DENND6B: variants seen among roughly 807,000 people sequenced by gnomAD.
DENND6B encodes DENN domain containing 6B, also known as protein DENND6B.
DENND6B carries 73 observed loss-of-function variants against 85.1 expected under a neutral mutation model. The ratio of observed to expected loss-of-function variants is 0.86; its 90% CI spans 0.71 to 1.04. DENND6B has a LOEUF of 1.04. Ranked by LOEUF, DENND6B falls within the 50% of genes least tolerant of loss-of-function variation. The pLI is 0.00. For synonymous variants in DENND6B, 357 were observed against 329.3 expected, an observed-to-expected ratio of 1.08 and a Z score of -0.91; for missense variants, 715 against 785.8, an observed-to-expected ratio of 0.91 and a Z score of 1.08.
Position 50,314,437 on chromosome 22 carries a change from C to T in DENND6B, c.1035G>A (p.Trp345Ter), listed in dbSNP as rs983924692. 6.4e-7 allele frequency: 1 copy of T among 1,565,712 alleles called. No homozygotes were observed. Among genetic ancestry groups the T allele is most frequent in the African/African-American group, 1.4e-5 (1 of 73,952 alleles). Residue 345 changes from tryptophan (W) to a stop codon, truncating the protein, a stop_gained, in exon 12 of 20, where the codon TGG (tryptophan) becomes TGA (stop). Coordinates refer to ENST00000413817, the MANE Select transcript of DENND6B (RefSeq NM_001001794.4). LOFTEE classifies it high-confidence loss of function. ...GCTCCCCGACTCGGAGGATGTGGGG[C>T]CAGTGCTGGAGTGTTTTGATAAAGA... Reference protein sequence around the residue: ...NPFFIKTLQHWPHILRVGEPK... With the variant: ...NPFFIKTLQH
chr22:50,322,018 G>C (rs2042059945), intron 1 of DENND6B, among the ~76,000 whole-genome samples: 1 of 150,960 alleles, frequency 6.6e-6, no homozygotes, highest in Non-Finnish European at 1.5e-5. Context: ...TTTAACTCCT[G>C]GTAAACATTG....
chr22:50,319,294 C>A, intron 1 of DENND6B: 1 of 985,388 alleles, frequency 1.0e-6, no homozygotes, highest in Non-Finnish European at 1.2e-6. Flanking sequence ...GACCTCCAGG[C>A]ACCAGGCCCC....
At chr22:50,314,034 G>A (rs746372899) in intron 13 of DENND6B, 156 bp from the exon 14 acceptor site, 225 of 1,251,300 alleles carry the variant, frequency 1.8e-4, no homozygotes, top group Admixed American at 8.7e-4. Flanking sequence ...CCCAGACACC[G>A]AGACCCACTG....
rs774569952 is a variant in DENND6B at position 50,316,229 on chromosome 22, G to A, written c.584C>T (p.Pro195Leu). 20 of 1,608,972 alleles carry A rather than the reference G, an allele frequency of 1.2e-5. No homozygotes were observed. The highest frequency in any genetic ancestry group is 1.6e-4 in the Middle Eastern group (1 of 6,082). Residue 195 changes from proline (P) to leucine (L), a missense_variant, in exon 7 of 20, where the codon CCG becomes CTG. Coordinates refer to ENST00000413817, the MANE Select transcript of DENND6B (RefSeq NM_001001794.4). Reference sequence around the variant, plus strand: ...CAGGGTCTGCCCAGGTGCAGGCGCCGGCCACTGGTCGATCTCACTGCACAC... The same window carrying A: ...CAGGGTCTGCCCAGGTGCAGGCGCCAGCCACTGGTCGATCTCACTGCACAC... ...EAVCSEIDQW[P>L]APAPGQTLNL...
chr22:50,315,700 C>G lies in DENND6B; in HGVS notation c.758+14G>C. On this transcript the variant is annotated intron_variant, in intron 9 of 19. Coordinates refer to ENST00000413817, the MANE Select transcript of DENND6B (RefSeq NM_001001794.4). The stretch of plus-strand genomic sequence containing the variant: ...GCTCCTCAAAAGCAGTGTGCAGAAC[C>G]CTAGGGGGCTCACCTGAACAGGTCC... 1 of 1,565,950 alleles carries G rather than the reference C, an allele frequency of 6.4e-7. No homozygotes were observed. Among genetic ancestry groups the G allele is most frequent in the Non-Finnish European group, 8.6e-7 (1 of 1,157,136 alleles).
At chr22:50,316,338 G>T (rs761805077) in intron 6 of DENND6B, 32 bp downstream of exon 6, 17 of 1,562,768 alleles carry the variant, frequency 1.1e-5, no homozygotes, top group Non-Finnish European at 1.4e-5. Context: ...GGGATGATGA[G>T]ACCACGATGG....
chr22:50,324,448 G>C (rs2042137731), intron 1 of DENND6B, among the ~76,000 whole-genome samples: 2 of 152,190 alleles, frequency 1.3e-5, no homozygotes, highest in Non-Finnish European at 2.9e-5. Context: ...TTTTGAGACA[G>C]AGTTTCACTC....
rs570551262 is a variant in DENND6B, at chr22:50,315,288, C to T, written c.759-367G>A. ...TCCCAAGTGCAGCCCTGGCTCCTGCCGGGCCCAGCACAGAGCAGGATGGTC... is the reference window on the plus strand; with the variant it reads ...TCCCAAGTGCAGCCCTGGCTCCTGCTGGGCCCAGCACAGAGCAGGATGGTC... On this transcript the variant is annotated intron_variant, in intron 9 of 19. Transcript: ENST00000413817. Among the ~76,000 whole-genome samples, 20 of 152,306 alleles carry T rather than the reference C, an allele frequency of 1.3e-4. No homozygotes were observed. The South Asian group carries it at 2.1e-3, about 16-fold the overall frequency.
intron 5 of DENND6B, 116 bp from the exon 6 acceptor site, chr22:50,316,591 CCCA>C: frequency 6.5e-7 from 1 of 1,541,994 alleles, no homozygotes; most frequent in South Asian, 1.2e-5. Context: ...GGTAGCACGT[CCCA>C]CCAACTTCAC....
chr22:50,313,577 AC>A lies in DENND6B; in HGVS notation c.1293+57del, dbSNP rs1028181027. The A allele has an allele frequency of 7.6e-3, 1,112 of 145,964 alleles. 2 individuals are homozygous for A. Among genetic ancestry groups the A allele is most frequent in the Non-Finnish European group, 0.01 (963 of 94,390 alleles). The allele number at this position is 145,964 out of a possible 1,614,324, so 9.0% of individuals were successfully genotyped here. On this transcript the variant is annotated intron_variant, in intron 15 of 19. Transcript: ENST00000413817. ...ATCCCCCGCAGCCCCGTCCCCCCCAACCCCATCCCCCCAGCCCCGTGCCCCC... is the reference window on the plus strand; with the variant it reads ...ATCCCCCGCAGCCCCGTCCCCCCCAACCCATCCCCCCAGCCCCGTGCCCCC...
At chr22:50,319,228 C>T in intron 1 of DENND6B, 7 of 1,465,258 alleles carry the variant, frequency 4.8e-6, no homozygotes, top group South Asian at 1.4e-5. Context: ...GCATCCTCCC[C>T]ACACCACCTT....
At chr22:50,320,200 G>A (rs764076223) in intron 1 of DENND6B, among the ~76,000 whole-genome samples, 16 of 152,222 alleles carry the variant, frequency 1.1e-4, no homozygotes, top group Admixed American at 4.6e-4. Flanking sequence ...GTGAGGAGCC[G>A]GGCCCTGGAT....
At chr22:50,313,357 A>T in intron 16 of DENND6B, 89 bp downstream of exon 16, 1 of 1,472,850 alleles carries the variant, frequency 6.8e-7, no homozygotes, top group Non-Finnish European at 9.1e-7. Context: ...CTGCCCAGCC[A>T]CAGCCTCCTG....
chr22:50,312,408 T>A lies in DENND6B; in HGVS notation c.1570A>T (p.Thr524Ser), dbSNP rs1239765966. 1 of 1,611,032 alleles carries A rather than the reference T, an allele frequency of 6.2e-7. No homozygotes were observed. The highest frequency in any genetic ancestry group is 1.7e-5 in the Admixed American group (1 of 59,786). The stretch of plus-strand genomic sequence containing the variant: ...ACCTCGGACTTGTCTTTCATCCAGG[T>A]CTCGATGTTCTGCAGGGCAAGACGG... The part of the protein sequence containing the change: ...LEAICEANIE[T>S]WMKDKSEVEV... The change falls in exon 19 of 20, where the codon ACC becomes TCC. Residue 524 changes from threonine to serine, a missense_variant. Physicochemically the swap from Thr to Ser is moderately conservative, Grantham distance 58. Coordinates refer to ENST00000413817, the MANE Select transcript of DENND6B (RefSeq NM_001001794.4).
At position 50,316,062 on chromosome 22, in the gene DENND6B, T is replaced by G. The variant is rs778563590; in HGVS notation, c.665A>C (p.Lys222Thr). ...CTGCTTCGGAGGACTGGACTCGGAC[T>G]TGTCCACCCTGGATGGGATGCGCAC... Reference protein sequence around the residue: ...VQVRIPSRVDKSESSPPKQFD... With the variant: ...VQVRIPSRVDTSESSPPKQFD... The change falls in exon 8 of 20, where the codon AAG becomes ACG. Residue 222 changes from lysine to threonine, a missense_variant. Lys to Thr is a moderately conservative substitution (Grantham distance 78). Transcript: ENST00000413817. 1.2e-6 allele frequency: 2 copies of G among 1,612,616 alleles called. No homozygotes were observed. Among genetic ancestry groups the G allele is most frequent in the Non-Finnish European group, 1.7e-6 (2 of 1,179,864 alleles).
chr22:50,326,949 C>T lies in DENND6B; in HGVS notation c.40G>A (p.Gly14Ser). The part of the protein sequence containing the change: ...LLGTGPRRAR[G>S]CLGAAGPTSS... ...GTGGGTCCAGCCGCGCCCAGGCAGC[C>T]GCGAGCCCGGCGAGGCCCTGTGCCC... Residue 14 changes from glycine to serine, a missense_variant, in exon 1 of 20, where the codon GGC (glycine) becomes AGC (serine). Gly to Ser is a moderately conservative substitution (Grantham distance 56, BLOSUM62 0). Coordinates refer to ENST00000413817, the MANE Select transcript of DENND6B (RefSeq NM_001001794.4). 1 of 1,282,470 alleles carries T rather than the reference C, an allele frequency of 7.8e-7. No individual in the cohort carries two copies. Among genetic ancestry groups the T allele is most frequent in the African/African-American group, 1.6e-5 (1 of 64,072 alleles). 79.4% of individuals were successfully genotyped at this position (1,282,470 alleles called of 1,614,324 possible).
rs2068066085 is a variant in DENND6B, at chr22:50,311,887, G to C, written c.*252C>G. The stretch of plus-strand genomic sequence containing the variant: ...TGTCCCCGCCCCCGTCCCAGCCTAA[G>C]GTCTGCAGAGGCCAGGTGGGACCCA... On this transcript the variant is annotated 3_prime_UTR_variant, in exon 20 of 20. Transcript: ENST00000413817. 5 of 586,986 alleles carry C rather than the reference G, an allele frequency of 8.5e-6. No individual in the cohort carries two copies. The highest frequency in any genetic ancestry group is 1.9e-5 in the African/African-American group (1 of 53,432). 36.4% of individuals were successfully genotyped at this position (586,986 alleles called of 1,614,324 possible).
chr22:50,312,491 T>C (rs1404005444), intron 18 of DENND6B, 32 bp downstream of exon 18: 1 of 1,572,664 alleles, frequency 6.4e-7, no homozygotes, highest in Non-Finnish European at 8.6e-7. Flanking sequence ...CCCACCATGT[T>C]CTGGCCCTCC....
chr22:50,316,778 T>C (rs1418324948), intron 5 of DENND6B: 2 of 1,309,852 alleles, frequency 1.5e-6, no homozygotes, highest in African/African-American at 3.1e-5. Flanking sequence ...GAGCAGCTTT[T>C]ACTCTCTGCC....
Sources: gnomAD v4.1 joint callset for allele counts (sites outside exome capture counted in the v4.1 genomes callset) on GRCh38, gnomAD v4.1.1 for gene constraint, MANE v1.5 for transcripts, NCBI Gene and HGNC (gene_info 2026-07-23, HGNC 2026-07-21) for gene names.